The following DTNB variants were observed in gnomAD, a reference collection of about 807,000 sequenced individuals.
DTNB encodes DTN-B.
Under a neutral mutation model 90.7 loss-of-function variants are expected in DTNB, and 63 were observed. The ratio of observed to expected loss-of-function variants is 0.69; its 90% CI spans 0.57 to 0.86. The LOEUF (loss-of-function observed/expected upper bound fraction) is 0.86, where lower values mean the gene tolerates loss of function less well. DTNB is among the 40% of genes least tolerant of loss of function. The pLI is 0.00. For missense variants in DTNB, 744 were observed against 807.1 expected, an observed-to-expected ratio of 0.92 and a Z score of 0.95; for synonymous variants, 277 against 286.7, an observed-to-expected ratio of 0.97 and a Z score of 0.34.
intron 18 of DTNB, among the ~76,000 whole-genome samples, chr2:25,384,591 A>C (rs1174679115): frequency 6.6e-6 from 1 of 152,172 alleles, no homozygotes; most frequent in Non-Finnish European, 1.5e-5. Flanking sequence ...GGTTGAAGGA[A>C]TTGGGTGTAG....
chr2:25,436,216 T>C (rs2055710431), intron 12 of DTNB, among the ~76,000 whole-genome samples: 2 of 152,016 alleles, frequency 1.3e-5, no homozygotes, highest in African/African-American at 4.8e-5. Context: ...GCGCCTGTAA[T>C]CTCAGCTACT....
At chr2:25,496,625 C>T (rs1371350823) in intron 9 of DTNB, among the ~76,000 whole-genome samples, 1 of 152,104 alleles carries the variant, frequency 6.6e-6, no homozygotes, top group Non-Finnish European at 1.5e-5. Flanking sequence ...AGGCGGATCA[C>T]CTGAGGTCAA....
At chr2:25,446,494 A>C (rs185338976) in intron 12 of DTNB, among the ~76,000 whole-genome samples, 246 of 152,136 alleles carry the variant, frequency 1.6e-3, no homozygotes, top group African/African-American at 5.6e-3. Context: ...GGGCTCAAGC[A>C]ATCTGCCCAC....
intron 16 of DTNB, among the ~76,000 whole-genome samples, chr2:25,400,153 C>T (rs1309355980): frequency 1.1e-4 from 17 of 152,210 alleles, no homozygotes; most frequent in Non-Finnish European, 5.9e-5. Context: ...GTCCTTCTAA[C>T]TAAATAAGTA....
intron 19 of DTNB, among the ~76,000 whole-genome samples, chr2:25,382,344 C>G (rs1182102709): frequency 6.6e-6 from 1 of 152,166 alleles, no homozygotes; most frequent in Non-Finnish European, 1.5e-5. Context: ...ACTAAAATCT[C>G]TGCCTTGAGG....
intron 10 of DTNB, among the ~76,000 whole-genome samples, chr2:25,469,467 T>C (rs1264686130): frequency 6.6e-6 from 1 of 152,076 alleles, no homozygotes; most frequent in Non-Finnish European, 1.5e-5. Context: ...TTATTTGAGA[T>C]GGAGTCTCAC....
chr2:25,476,779 T>C (rs2063826137), intron 10 of DTNB, among the ~76,000 whole-genome samples: 5 of 152,260 alleles, frequency 3.3e-5, no homozygotes, highest in Admixed American at 2.0e-4. Flanking sequence ...AGATGGAATC[T>C]ACTGGTTAAG....
chr2:25,485,819 TAA>T (rs962532310), intron 9 of DTNB, among the ~76,000 whole-genome samples: 1 of 146,168 alleles, frequency 6.8e-6, no homozygotes. Flanking sequence ...TCACAAAAAT[TAA>T]AAAAAAAAAA....
chr2:25,564,064 G>A (rs1052871934), intron 8 of DTNB, among the ~76,000 whole-genome samples: 1 of 151,926 alleles, frequency 6.6e-6, no homozygotes, highest in Admixed American at 6.6e-5. Context: ...ACCACGCCCG[G>A]CTAATTTTTT....
intron 16 of DTNB, among the ~76,000 whole-genome samples, chr2:25,394,687 C>CTT (rs2041968032): frequency 6.6e-6 from 1 of 152,112 alleles, no homozygotes; most frequent in Non-Finnish European, 1.5e-5. Context: ...CAATGCAATA[C>CTT]CACCTTACTC....
rs147118395 is a variant in DTNB at position 25,495,683 on chromosome 2, G to A, written c.1002-12810C>T. On this transcript the variant is annotated intron_variant, in intron 9 of 20. Coordinates refer to ENST00000406818, the MANE Select transcript of DTNB (RefSeq NM_021907.5). The stretch of plus-strand genomic sequence containing the variant: ...CTATGTAATGGACCAACCATTTCTT[G>A]TTACCTCACGGGGTTCTATGGTTAT... 1.8e-4 allele frequency among the ~76,000 whole-genome samples: 28 copies of A among 152,202 alleles called. No individual in the cohort carries two copies. In the East Asian group the frequency reaches 5.0e-3, roughly 27 times the overall value.
At chr2:25,383,758 A>T in intron 19 of DTNB, 78 bp downstream of exon 19, 1 of 1,613,374 alleles carries the variant, frequency 6.2e-7, no homozygotes, top group Non-Finnish European at 8.5e-7. Flanking sequence ...GGAGGAATGC[A>T]GAAACAAAGT....
chr2:25,589,569 C>T (rs370886338), intron 6 of DTNB, among the ~76,000 whole-genome samples: 2 of 151,584 alleles, frequency 1.3e-5, no homozygotes, highest in East Asian at 1.9e-4. Flanking sequence ...TTAGTAGAGA[C>T]GAGGTTTCAC....
chr2:25,417,553 C>T (rs986049377), intron 16 of DTNB, among the ~76,000 whole-genome samples: 3 of 152,176 alleles, frequency 2.0e-5, no homozygotes, highest in Non-Finnish European at 1.5e-5. Context: ...GGTGAGGTGT[C>T]GGGTGTTTCC....
At chr2:25,534,589 C>G (rs189253797) in intron 8 of DTNB, among the ~76,000 whole-genome samples, 1 of 146,782 alleles carries the variant, frequency 6.8e-6, no homozygotes, top group South Asian at 2.2e-4. Flanking sequence ...CCAGACGGGG[C>G]GGCTGGGCAG....
At chr2:25,641,517 C>T (rs2078300164) in intron 2 of DTNB, among the ~76,000 whole-genome samples, 1 of 152,144 alleles carries the variant, frequency 6.6e-6, no homozygotes, top group African/African-American at 2.4e-5. Context: ...CCCACTTCAG[C>T]ATCCTGAGTA....
In DTNB at chr2:25,634,622, A is replaced by G. The variant is rs541228686; in HGVS notation, c.148+4392T>C. On this transcript the variant is annotated intron_variant, in intron 3 of 20. Transcript: ENST00000406818. ...GGTTTTGTGGAATAGAAAGGGGGGA[A>G]AGGTGGGGAAAAGATTGAGAGGTTG... 3.4e-5 allele frequency among the ~76,000 whole-genome samples: 4 copies of G among 117,214 alleles called. 1 individual carries two copies. The highest frequency in any genetic ancestry group is 1.1e-4 in the African/African-American group (4 of 37,758). The allele number at this position is 117,214 out of a possible 152,430, so 76.9% of individuals were successfully genotyped here.
At chr2:25,469,141 T>A (rs1196980498) in intron 10 of DTNB, among the ~76,000 whole-genome samples, 1 of 152,144 alleles carries the variant, frequency 6.6e-6, no homozygotes, top group Non-Finnish European at 1.5e-5. Context: ...TATAAAAGGA[T>A]GTTTGCGGAG....
At chr2:25,388,505 A>G in intron 16 of DTNB, 144 bp from the exon 17 acceptor site, 1 of 1,147,480 alleles carries the variant, frequency 8.7e-7, no homozygotes, top group Non-Finnish European at 1.2e-6. Flanking sequence ...GGAAGGAGTT[A>G]GGCTGCTTCC....
Sources: allele counts gnomAD v4.1 joint callset (sites outside exome capture counted in the v4.1 genomes callset), GRCh38; gene constraint gnomAD v4.1.1; transcripts MANE v1.5; gene names NCBI Gene and HGNC (gene_info 2026-07-23, HGNC 2026-07-21).